Variants in XRCC2 observed in about 807,000 individuals in gnomAD.
XRCC2 encodes the protein X-ray repair cross complementing 2.
XRCC2 carries 24 observed loss-of-function variants against 27.3 expected under a neutral mutation model. That is an observed-to-expected ratio of 0.88 (90% CI 0.64 to 1.24). The LOEUF (loss-of-function observed/expected upper bound fraction) is 1.24, where lower values mean the gene tolerates loss of function less well. XRCC2 is among the 50% of genes most tolerant of loss of function. The pLI, the probability that XRCC2 is intolerant of heterozygous loss-of-function variation, is 0.00. For missense variants in XRCC2, 321 were observed against 325.8 expected (o/e 0.99, Z 0.11); for synonymous variants, 106 against 115.4 (o/e 0.92, Z 0.52).
In XRCC2 at chr7:152,648,573, A is replaced by G. The variant is rs2116986727; in HGVS notation, c.*69T>C. The G allele has an allele frequency of 1.4e-6, 2 of 1,474,102 alleles. No individual in the cohort carries two copies. The highest frequency in any genetic ancestry group is 1.8e-6 in the Non-Finnish European group (2 of 1,109,330). 91.3% of individuals were successfully genotyped at this position (1,474,102 alleles called of 1,614,324 possible). A position where few individuals can be genotyped will look rare whatever the true frequency, so the allele number is the denominator to read the frequency against. On this transcript the variant is annotated 3_prime_UTR_variant, in exon 3 of 3. Coordinates refer to ENST00000359321, the MANE Select transcript of XRCC2 (RefSeq NM_005431.2). ...TGCACTCCAGCCTGGGAGACAGAGCAAGACTCTGTCTTAAGAAAAATTTTA... is the reference window on the plus strand; with the variant it reads ...TGCACTCCAGCCTGGGAGACAGAGCGAGACTCTGTCTTAAGAAAAATTTTA...
chr7:152,663,272 A>G (rs1238857809), intron 1 of XRCC2, among the ~76,000 whole-genome samples: 2 of 146,896 alleles, frequency 1.4e-5, no homozygotes, highest in Admixed American at 7.0e-5. Flanking sequence ...GTGGAAATGT[A>G]TTAGCACACA....
intron 1 of XRCC2, among the ~76,000 whole-genome samples, chr7:152,671,771 G>A (rs3218405): frequency 0.061 from 9,226 of 152,256 alleles, 838 homozygotes; most frequent in African/African-American, 0.2. Context: ...GCCAGGCACA[G>A]TGGCTCATGC....
intron 1 of XRCC2, among the ~76,000 whole-genome samples, chr7:152,673,630 G>A (rs2098039042): frequency 6.6e-6 from 1 of 152,146 alleles, no homozygotes; most frequent in South Asian, 2.1e-4. Context: ...CACTTTGGGA[G>A]GCTTAGGCAG....
At chr7:152,657,054 T>C (rs934482344) in intron 2 of XRCC2, among the ~76,000 whole-genome samples, 6 of 151,788 alleles carry the variant, frequency 4.0e-5, no homozygotes, top group African/African-American at 1.4e-4. Flanking sequence ...CTGGCCAACG[T>C]GGTGAAACCC....
intron 1 of XRCC2, among the ~76,000 whole-genome samples, chr7:152,675,607 C>T (rs1292002951): frequency 6.6e-6 from 1 of 152,196 alleles, no homozygotes; most frequent in African/African-American, 2.4e-5. Flanking sequence ...CCTCCGCAAA[C>T]ACCACCTGTT....
In XRCC2 at chr7:152,667,321, C is replaced by T. The variant is rs760062191; in HGVS notation, c.40-6539G>A. On this transcript the variant is annotated intron_variant, in intron 1 of 2. Coordinates refer to ENST00000359321, the MANE Select transcript of XRCC2 (RefSeq NM_005431.2). ...ACTGGGGAGGCTGAGACGGAAGAAT[C>T]GCTTGAGTCTGAGGCAGAGGTTGCG... Among the ~76,000 whole-genome samples, 6 of 140,760 alleles carry T rather than the reference C, an allele frequency of 4.3e-5. No individual in the cohort carries two copies. The Middle Eastern group carries it at 0.012, about 284-fold the overall frequency. The allele number at this position is 140,760 out of a possible 152,430, so 92.3% of individuals were successfully genotyped here.
intron 1 of XRCC2, among the ~76,000 whole-genome samples, chr7:152,662,727 T>G (rs3218463): frequency 6.6e-6 from 1 of 150,380 alleles, no homozygotes; most frequent in African/African-American, 2.4e-5. Flanking sequence ...CGCCCGCCAC[T>G]ACGCCCGGCT....
Position 152,676,081 on chromosome 7 carries a change from G to A in XRCC2, c.-2C>T. 5 of 1,613,774 alleles carry A rather than the reference G, an allele frequency of 3.1e-6. No homozygotes were observed. Among genetic ancestry groups the A allele is most frequent in the Non-Finnish European group, 2.5e-6 (3 of 1,179,802 alleles). On this transcript the variant is annotated 5_prime_UTR_variant, in exon 1 of 3. Coordinates refer to ENST00000359321, the MANE Select transcript of XRCC2 (RefSeq NM_005431.2). ...AGCCCTATGGAAGGCACTACACATCGCCCCGAAGGCTCGGCGCAGGAGAGA... is the reference window on the plus strand; with the variant it reads ...AGCCCTATGGAAGGCACTACACATCACCCCGAAGGCTCGGCGCAGGAGAGA...
chr7:152,666,149 T>C (rs887719650), intron 1 of XRCC2, among the ~76,000 whole-genome samples: 5 of 152,186 alleles, frequency 3.3e-5, no homozygotes, highest in African/African-American at 1.2e-4. Context: ...AATGTAAATA[T>C]TTTAAAATTT....
chr7:152,660,932 GC>G (rs1329337733), intron 1 of XRCC2, 150 bp from the exon 2 acceptor site: 2 of 628,910 alleles, frequency 3.2e-6, no homozygotes, highest in African/African-American at 1.9e-5. Flanking sequence ...ACTTTGGGAG[GC>G]CAAGGTGGGC....
chr7:152,652,144 C>A lies in XRCC2; in HGVS notation c.122-2781G>T, dbSNP rs1436322471. Among the ~76,000 whole-genome samples the A allele has an allele frequency of 2.0e-5, 3 of 149,796 alleles. No individual in the cohort carries two copies. In the East Asian group the frequency reaches 6.0e-4, roughly 30 times the overall value. On this transcript the variant is annotated intron_variant, in intron 2 of 2. Transcript: ENST00000359321. ...TGCCACTGCACTCTAGCCCAGACAA[C>A]AGAGGGAGACCCTGTCTCTAAAAAG...
At chr7:152,661,120 G>C (rs2098032915) in intron 1 of XRCC2, among the ~76,000 whole-genome samples, 1 of 152,178 alleles carries the variant, frequency 6.6e-6, no homozygotes, top group African/African-American at 2.4e-5. Context: ...GGGTGACAGA[G>C]TGAGGCCCTA....
In XRCC2 at chr7:152,647,245, T is replaced by A. The variant is rs1464607054; in HGVS notation, c.*1397A>T. 2 of 152,200 alleles carry A rather than the reference T, an allele frequency of 1.3e-5. No homozygotes were observed. Among genetic ancestry groups the A allele is most frequent in the Non-Finnish European group, 2.9e-5 (2 of 68,030 alleles). The allele number at this position is 152,200 out of a possible 1,614,324, so 9.4% of individuals were successfully genotyped here. A position where few individuals can be genotyped will look rare whatever the true frequency, so the allele number is the denominator to read the frequency against. On this transcript the variant is annotated 3_prime_UTR_variant, in exon 3 of 3. Coordinates refer to ENST00000359321, the MANE Select transcript of XRCC2 (RefSeq NM_005431.2). ...TTCATGTCCTTTGCCCACTTTTTAA[T>A]GGGGTGGTTTTTTCTTCTAAATTTG...
At chr7:152,652,602 C>A (rs976129187) in intron 2 of XRCC2, among the ~76,000 whole-genome samples, 2 of 152,122 alleles carry the variant, frequency 1.3e-5, no homozygotes, top group African/African-American at 4.8e-5. Flanking sequence ...TCACACAGAT[C>A]ACACTATATA....
At chr7:152,652,179 G>GA (rs11309976) in intron 2 of XRCC2, among the ~76,000 whole-genome samples, 19,865 of 146,286 alleles carry the variant, frequency 0.14, 1,506 homozygotes, top group Middle Eastern at 0.23. Flanking sequence ...GAAAAGAAAA[G>GA]AAAAAAAAAA....
chr7:152,660,569 G>T, intron 2 of XRCC2, 132 bp downstream of exon 2: 1 of 678,360 alleles, frequency 1.5e-6, no homozygotes, highest in Non-Finnish European at 2.3e-6. Flanking sequence ...GTCACAACCT[G>T]TGTCTCATTT....
At chr7:152,675,882 G>A (rs962247897) in intron 1 of XRCC2, among the ~76,000 whole-genome samples, 159 bp downstream of exon 1, 2 of 152,154 alleles carry the variant, frequency 1.3e-5, no homozygotes, top group African/African-American at 4.8e-5. Context: ...AGAGGTGGCA[G>A]AGGGTGCCAG....
rs1590129782 is a variant in XRCC2, at chr7:152,649,300, G to A, written c.185C>T (p.Thr62Ile). The change falls in exon 3 of 3, where the codon ACA becomes ATA. Residue 62 changes from threonine (T) to isoleucine (I), a missense_variant. Transcript: ENST00000359321. ...TGKTEMLYHL[T>I]ARCILPKSEG... The stretch of plus-strand genomic sequence containing the variant: ...TGATTTGGGAAGTATACATCGTGCT[G>A]TTAGGTGATAAAGCATTTCTGTTTT... The A allele has an allele frequency of 6.2e-7, 1 of 1,612,648 alleles. No individual in the cohort carries two copies. The highest frequency in any genetic ancestry group is 1.6e-4 in the Middle Eastern group (1 of 6,062).
At position 152,648,802 on chromosome 7, in the gene XRCC2, C is replaced by G; in HGVS notation, c.683G>C (p.Cys228Ser). The change falls in exon 3 of 3, where the codon TGT (cysteine) becomes TCT (serine). Residue 228 changes from cysteine (C) to serine (S), a missense_variant. By Grantham distance (112) the Cys-to-Ser change is moderately radical. Coordinates refer to ENST00000359321, the MANE Select transcript of XRCC2 (RefSeq NM_005431.2). The part of the protein sequence containing the change: ...DVDIDYRPYL[C>S]KAWQQLVKHR... ...CTTCACCAGTTGCTGCCATGCCTTA[C>G]AGAGATAAGGTCTGTAGTCTATGTC... is the stretch of plus-strand genomic sequence containing the variant. The G allele has an allele frequency of 6.2e-7, 1 of 1,614,172 alleles. No individual in the cohort carries two copies.
Sources: gnomAD v4.1 joint callset for allele counts (sites outside exome capture counted in the v4.1 genomes callset) on GRCh38, gnomAD v4.1.1 for gene constraint, MANE v1.5 for transcripts, NCBI Gene and HGNC (gene_info 2026-07-23, HGNC 2026-07-21) for gene names.